The following CA10 variants were observed in gnomAD, a reference collection of about 807,000 sequenced individuals.
CA10 encodes carbonic anhydrase 10 (inactive), also known as carbonic anhydrase-related protein 10.
Under a neutral mutation model 44.2 loss-of-function variants are expected in CA10, and 14 were observed. The observed-to-expected ratio is 0.32, with a 90% CI of 0.21 to 0.50. The LOEUF (loss-of-function observed/expected upper bound fraction) is 0.50, where lower values mean the gene tolerates loss of function less well. Ranked by LOEUF, CA10 falls within the 20% of genes least tolerant of loss-of-function variation. The probability of loss-of-function intolerance (pLI) is 0.99; values close to 1 mark genes in which losing one functional copy is unlikely to be tolerated. For missense variants in CA10, 350 were observed against 409.7 expected (o/e 0.85, Z 1.26); for synonymous variants, 159 against 141.6 (o/e 1.12, Z -0.87).
chr17:52,048,264 A>C (rs2144204620), intron 2 of CA10, among the ~76,000 whole-genome samples: 1 of 152,188 alleles, frequency 6.6e-6, no homozygotes, highest in Non-Finnish European at 1.5e-5. Flanking sequence ...TCTGGGAAGC[A>C]GAATCATTCC....
intron 2 of CA10, among the ~76,000 whole-genome samples, chr17:52,045,941 A>C (rs528582823): frequency 2.6e-4 from 40 of 152,056 alleles, no homozygotes; most frequent in African/African-American, 9.4e-4. Flanking sequence ...ACCTAGGAAA[A>C]TTTTAAGATA....
intron 3 of CA10, among the ~76,000 whole-genome samples, chr17:51,816,547 A>T (rs1907570334): frequency 1.3e-5 from 2 of 152,130 alleles, no homozygotes; most frequent in African/African-American, 2.4e-5. Flanking sequence ...AATTGAAAGC[A>T]TTTTTTTCAT....
chr17:51,863,765 G>T (rs906299213), intron 3 of CA10, among the ~76,000 whole-genome samples: 1 of 152,198 alleles, frequency 6.6e-6, no homozygotes, highest in Non-Finnish European at 1.5e-5. Context: ...AGTAAGAGAT[G>T]CATAGAAAGA....
At chr17:51,808,488 T>C (rs1280522895) in intron 3 of CA10, among the ~76,000 whole-genome samples, 1 of 152,220 alleles carries the variant, frequency 6.6e-6, no homozygotes, top group African/African-American at 2.4e-5. Context: ...TACATCTGCA[T>C]CTCTGTTTCT....
At chr17:52,065,568 C>G (rs1987513857) in intron 2 of CA10, among the ~76,000 whole-genome samples, 1 of 152,170 alleles carries the variant, frequency 6.6e-6, no homozygotes, top group Admixed American at 6.5e-5. Flanking sequence ...CTGCTCCTAT[C>G]TTAGCTCATA....
At chr17:51,985,319 A>G (rs1984794714) in intron 2 of CA10, among the ~76,000 whole-genome samples, 1 of 151,918 alleles carries the variant, frequency 6.6e-6, no homozygotes, top group Admixed American at 6.6e-5. Context: ...CCAGCACTCC[A>G]TTATGATTAA....
intron 3 of CA10, among the ~76,000 whole-genome samples, chr17:51,866,989 A>G (rs954077525): frequency 6.6e-6 from 1 of 152,134 alleles, no homozygotes; most frequent in African/African-American, 2.4e-5. Context: ...CACTGAGCTT[A>G]TGGATCCCCG....
chr17:51,894,948 C>T (rs193108408), intron 3 of CA10, among the ~76,000 whole-genome samples: 25 of 152,178 alleles, frequency 1.6e-4, no homozygotes, highest in Admixed American at 3.3e-4. Flanking sequence ...AAAAGGCCAA[C>T]TGAGTCCCTT....
intron 3 of CA10, among the ~76,000 whole-genome samples, chr17:51,810,018 T>G (rs886821141): frequency 6.6e-6 from 1 of 152,202 alleles, no homozygotes; most frequent in African/African-American, 2.4e-5. Context: ...AATCAGATCA[T>G]GAGGCCAAAA....
At chr17:51,856,048 G>C (rs180833561) in intron 3 of CA10, among the ~76,000 whole-genome samples, 1 of 152,144 alleles carries the variant, frequency 6.6e-6, no homozygotes, top group African/African-American at 2.4e-5. Flanking sequence ...CCTGTGCCCC[G>C]CGCAAATGTG....
At chr17:51,880,617 C>T (rs1358321161) in intron 3 of CA10, among the ~76,000 whole-genome samples, 1 of 151,998 alleles carries the variant, frequency 6.6e-6, no homozygotes, top group African/African-American at 2.4e-5. Context: ...ATGTCTTTTC[C>T]GTGGCAATTA....
chr17:52,126,167 A>C (rs1989114790), intron 1 of CA10, among the ~76,000 whole-genome samples: 1 of 152,236 alleles, frequency 6.6e-6, no homozygotes, highest in African/African-American at 2.4e-5. Flanking sequence ...TATCCTGGAC[A>C]AACCTGTTAA....
At chr17:51,907,471 T>C (rs773491740) in intron 3 of CA10, among the ~76,000 whole-genome samples, 5 of 152,146 alleles carry the variant, frequency 3.3e-5, no homozygotes, top group Admixed American at 2.6e-4. Context: ...TATATATGTA[T>C]ATATGTGTGT....
At chr17:52,082,495 T>G (rs1361077179) in intron 1 of CA10, among the ~76,000 whole-genome samples, 1 of 152,212 alleles carries the variant, frequency 6.6e-6, no homozygotes, top group Non-Finnish European at 1.5e-5. Flanking sequence ...AATTATTCCT[T>G]CCCTATTGGT....
chr17:52,008,951 C>T (rs1290962755), intron 2 of CA10, among the ~76,000 whole-genome samples: 1 of 151,924 alleles, frequency 6.6e-6, no homozygotes, highest in African/African-American at 2.4e-5. Flanking sequence ...GGAAGTGCTT[C>T]TTATCTTTTT....
intron 1 of CA10, among the ~76,000 whole-genome samples, chr17:52,107,564 GA>G (rs1239657700): frequency 6.6e-6 from 1 of 151,684 alleles, no homozygotes; most frequent in African/African-American, 2.4e-5. Flanking sequence ...ACATAGGAGA[GA>G]AAAAAATCCA....
At chr17:51,672,152 C>T (rs1448303290) in intron 4 of CA10, among the ~76,000 whole-genome samples, 1 of 152,174 alleles carries the variant, frequency 6.6e-6, no homozygotes, top group Non-Finnish European at 1.5e-5. Context: ...ACTCAAGAAT[C>T]TTAAGTTACC....
chr17:51,826,322 G>T (rs191978545), intron 3 of CA10, among the ~76,000 whole-genome samples: 7 of 152,334 alleles, frequency 4.6e-5, no homozygotes, highest in Non-Finnish European at 8.8e-5. Flanking sequence ...GCACCAGGTT[G>T]GTTCCGGGAA....
chr17:51,719,506 A>G (rs1916283309), intron 4 of CA10, among the ~76,000 whole-genome samples: 1 of 152,220 alleles, frequency 6.6e-6, no homozygotes, highest in Non-Finnish European at 1.5e-5. Context: ...ACAAATAGGA[A>G]GAAGAGCTGC....
Sources: gnomAD v4.1 joint callset for allele counts (sites outside exome capture counted in the v4.1 genomes callset) on GRCh38, gnomAD v4.1.1 for gene constraint, MANE v1.5 for transcripts, NCBI Gene and HGNC (gene_info 2026-07-23, HGNC 2026-07-21) for gene names.